The following GRAP2 variants were observed in gnomAD, a reference collection of about 807,000 sequenced individuals.
GRAP2 encodes GRB2 related adaptor protein 2.
A neutral mutation model predicts 43.5 loss-of-function variants in GRAP2; 31 were observed. That is an observed-to-expected ratio of 0.71 (90% CI 0.54 to 0.96). The LOEUF (loss-of-function observed/expected upper bound fraction) is 0.96. Among genes scored for constraint, GRAP2 ranks in the 40% least tolerant of loss-of-function variants. The pLI, the probability that GRAP2 is intolerant of heterozygous loss-of-function variation, is 0.00. For missense variants in GRAP2, 371 were observed against 424.4 expected (o/e 0.87, Z 1.11); for synonymous variants, 156 against 164.8 (o/e 0.95, Z 0.41).
chr22:39,957,862 G>A (rs368912971), intron 3 of GRAP2, among the ~76,000 whole-genome samples: 2 of 152,012 alleles, frequency 1.3e-5, no homozygotes, highest in East Asian at 1.9e-4. Flanking sequence ...CTTGAGCCTG[G>A]GAGTTCAAGG....
chr22:39,932,184 T>G (rs541647116), intron 1 of GRAP2, among the ~76,000 whole-genome samples: 2 of 152,216 alleles, frequency 1.3e-5, no homozygotes, highest in Non-Finnish European at 2.9e-5. Flanking sequence ...CTTGCTATTC[T>G]TCTTAACAAT....
At chr22:39,938,303 A>C (rs945745521) in intron 1 of GRAP2, among the ~76,000 whole-genome samples, 1 of 152,270 alleles carries the variant, frequency 6.6e-6, no homozygotes, top group African/African-American at 2.4e-5. Flanking sequence ...GACCTGCAGA[A>C]CAGCAATTTG....
intron 1 of GRAP2, among the ~76,000 whole-genome samples, chr22:39,943,793 C>T (rs1300872793): frequency 6.0e-5 from 9 of 150,302 alleles, no homozygotes; most frequent in Non-Finnish European, 1.3e-4. Context: ...AATCTCGGCT[C>T]ACTGCAACCT....
chr22:39,901,371 T>C (rs1276566029), intron 1 of GRAP2, 41 bp downstream of exon 1: 1 of 658,082 alleles, frequency 1.5e-6, no homozygotes. Flanking sequence ...CTCTAGAAAC[T>C]TTGAACAGTT....
At chr22:39,918,042 T>G (rs2066617493) in intron 1 of GRAP2, among the ~76,000 whole-genome samples, 1 of 152,194 alleles carries the variant, frequency 6.6e-6, no homozygotes, top group Non-Finnish European at 1.5e-5. Flanking sequence ...AGGCATTATC[T>G]GATTTTTCCT....
At chr22:39,909,991 T>C (rs947143512) in intron 1 of GRAP2, among the ~76,000 whole-genome samples, 3 of 152,244 alleles carry the variant, frequency 2.0e-5, no homozygotes, top group African/African-American at 7.2e-5. Context: ...GGAAATTACC[T>C]CAAGATCTTT....
intron 1 of GRAP2, among the ~76,000 whole-genome samples, chr22:39,925,786 C>T (rs571735403): frequency 1.4e-4 from 22 of 152,318 alleles, no homozygotes; most frequent in Admixed American, 9.1e-4. Flanking sequence ...CCCCCAGATC[C>T]GGTACCTCCC....
chr22:39,911,503 C>T (rs769561505), intron 1 of GRAP2, among the ~76,000 whole-genome samples: 30 of 151,980 alleles, frequency 2.0e-4, no homozygotes, highest in Non-Finnish European at 3.7e-4. Context: ...ACCAAGCTAG[C>T]TTAGAAGTTC....
chr22:39,949,519 A>G (rs2066959520), intron 2 of GRAP2, among the ~76,000 whole-genome samples: 1 of 152,060 alleles, frequency 6.6e-6, no homozygotes, highest in Admixed American at 6.5e-5. Context: ...CTCTGAATGT[A>G]TTTTTTTCCT....
At chr22:39,908,154 C>T (rs1353383298) in intron 1 of GRAP2, among the ~76,000 whole-genome samples, 1 of 152,244 alleles carries the variant, frequency 6.6e-6, no homozygotes, top group East Asian at 1.9e-4. Flanking sequence ...CAGAAAACCA[C>T]CTAATCCCAC....
chr22:39,963,249 G>C lies in GRAP2; in HGVS notation c.291-2741G>C, dbSNP rs1411955101. ...TAAGGGCCTGAAACACCAGATTTTG[G>C]AGTCCAGCGCCCTGAGTCGCATCCT... On this transcript the variant is annotated intron_variant, in intron 4 of 7. Transcript: ENST00000344138. Among the ~76,000 whole-genome samples, 4 of 152,124 alleles carry C rather than the reference G, an allele frequency of 2.6e-5. No individual in the cohort carries two copies. The South Asian group carries it at 8.3e-4, about 31-fold the overall frequency.
chr22:39,924,958 A>T (rs1424213378), intron 1 of GRAP2, among the ~76,000 whole-genome samples: 1 of 152,188 alleles, frequency 6.6e-6, no homozygotes, highest in African/African-American at 2.4e-5. Flanking sequence ...AAGGAGATGG[A>T]CTTGAATTTG....
chr22:39,964,696 A>C (rs2067153806), intron 4 of GRAP2: 2 of 461,460 alleles, frequency 4.3e-6, no homozygotes, highest in South Asian at 4.5e-5. Flanking sequence ...GCTGTTGTAC[A>C]TTTAAGAATA....
At chr22:39,960,315 A>T in intron 4 of GRAP2, 141 bp downstream of exon 4, 2 of 729,656 alleles carry the variant, frequency 2.7e-6, no homozygotes, top group African/African-American at 1.7e-5. Flanking sequence ...CAGCAGCTTC[A>T]CAACCTGCTG....
chr22:39,917,519 G>T (rs1166154102), intron 1 of GRAP2, among the ~76,000 whole-genome samples: 4 of 152,210 alleles, frequency 2.6e-5, no homozygotes, highest in Non-Finnish European at 5.9e-5. Flanking sequence ...TTAAATGAGA[G>T]CTCTTGTACA....
In GRAP2 at chr22:39,966,083, G is replaced by A. The variant is rs757270442; in HGVS notation, c.384G>A (p.Leu128=). Residue 128 remains leucine, a synonymous_variant, in exon 5 of 8, where the codon CTG becomes CTA. Transcript: ENST00000344138. ...AGAAGTTTCCATCCCTAAATAAGCTGGTAGACTACTACAGGACAAATTCCA... is the reference window on the plus strand; with the variant it reads ...AGAAGTTTCCATCCCTAAATAAGCTAGTAGACTACTACAGGACAAATTCCA... ...WTEKFPSLNK[L]VDYYRTNSIS... is the part of the protein sequence containing the mutation. 1 of 1,613,542 alleles carries A rather than the reference G, an allele frequency of 6.2e-7. No individual in the cohort carries two copies. The highest frequency in any genetic ancestry group is 1.1e-5 in the South Asian group (1 of 91,066).
intron 1 of GRAP2, among the ~76,000 whole-genome samples, chr22:39,940,903 G>A (rs761550954): frequency 6.6e-6 from 1 of 152,116 alleles, no homozygotes; most frequent in African/African-American, 2.4e-5. Flanking sequence ...CTAGTTAAAG[G>A]TTACCGGGAC....
rs2067169115 is a variant in GRAP2, at chr22:39,966,018, G to T, written c.319G>T (p.Val107Phe). ...RHEDDVQHFK[V>F]MRDNKGNYFL... ...TGAGGATGACGTTCAACACTTCAAGGTCATGCGAGACAACAAGGGTAATTA... is the reference window on the plus strand; with the variant it reads ...TGAGGATGACGTTCAACACTTCAAGTTCATGCGAGACAACAAGGGTAATTA... The change falls in exon 5 of 8, where the codon GTC (valine) becomes TTC (phenylalanine). Residue 107 changes from valine to phenylalanine, a missense_variant. Val to Phe is a conservative substitution (Grantham distance 50, BLOSUM62 -1). Transcript: ENST00000344138. 1.2e-6 allele frequency: 2 copies of T among 1,614,122 alleles called. No individual in the cohort carries two copies. The highest frequency in any genetic ancestry group is 1.7e-6 in the Non-Finnish European group (2 of 1,179,942).
intron 1 of GRAP2, among the ~76,000 whole-genome samples, chr22:39,938,781 G>A (rs928338956): frequency 1.1e-4 from 16 of 152,238 alleles, no homozygotes; most frequent in Admixed American, 2.6e-4. Context: ...AGGATGAATC[G>A]TTATTCGGGG....
Sources: allele counts gnomAD v4.1 joint callset (sites outside exome capture counted in the v4.1 genomes callset), GRCh38; gene constraint gnomAD v4.1.1; transcripts MANE v1.5; gene names NCBI Gene and HGNC (gene_info 2026-07-23, HGNC 2026-07-21).